Variants in STK31 observed in about 807,000 individuals in gnomAD.
STK31 encodes the protein serine/threonine-protein kinase 31.
STK31 carries 89 observed loss-of-function variants against 129.7 expected under a neutral mutation model. The observed-to-expected ratio is 0.69, with a 90% CI of 0.58 to 0.82. The LOEUF is 0.82. Ranked by LOEUF, STK31 falls within the 40% of genes least tolerant of loss-of-function variation. STK31 has a pLI of 0.00. For missense variants in STK31, 1,187 were observed against 1,176.4 expected, an observed-to-expected ratio of 1.01 and a Z score of -0.13; for synonymous variants, 448 against 395.3, an observed-to-expected ratio of 1.13 and a Z score of -1.58.
intron 10 of STK31, among the ~76,000 whole-genome samples, chr7:23,754,830 C>T (rs1393245708): frequency 6.6e-6 from 1 of 152,174 alleles, no homozygotes; most frequent in Admixed American, 6.5e-5. Context: ...GACATAAACT[C>T]GTTCCTTTTT....
intron 22 of STK31, among the ~76,000 whole-genome samples, chr7:23,805,355 C>T (rs1472900395): frequency 2.0e-5 from 3 of 152,346 alleles, no homozygotes; most frequent in South Asian, 2.1e-4. Flanking sequence ...GGATTACAGG[C>T]GTGAGCCACC....
intron 3 of STK31, 134 bp downstream of exon 3, chr7:23,712,420 C>G: frequency 2.3e-6 from 2 of 867,314 alleles, no homozygotes; most frequent in Non-Finnish European, 1.8e-6. Context: ...TTATTTATCA[C>G]CAGGCATTAT....
intron 9 of STK31, 97 bp from the exon 10 acceptor site, chr7:23,754,218 A>G (rs1788905169): frequency 1.6e-6 from 2 of 1,277,340 alleles, no homozygotes; most frequent in South Asian, 1.6e-5. Context: ...AGTGCTGTAA[A>G]CACTAACTTT....
chr7:23,785,681 A>AG, intron 18 of STK31, 78 bp downstream of exon 18: 2 of 1,510,096 alleles, frequency 1.3e-6, no homozygotes, highest in Non-Finnish European at 1.8e-6. Flanking sequence ...CAAGAAAGAA[A>AG]AAACCTCACT....
chr7:23,743,864 A>G, intron 8 of STK31, among the ~76,000 whole-genome samples: 1 of 149,876 alleles, frequency 6.7e-6, no homozygotes, highest in African/African-American at 2.5e-5. Context: ...GGTTAGTTCA[A>G]AAGTCTTGTC....
In STK31 at chr7:23,712,230, T is replaced by G. The variant is rs1286679965; in HGVS notation, c.98-4T>G. 6.2e-7 allele frequency: 1 copy of G among 1,613,992 alleles called. No homozygotes were observed. Among genetic ancestry groups the G allele is most frequent in the East Asian group, 2.2e-5 (1 of 44,870 alleles). ...ATTTTCCTTGTATTGTGATTTGATT[T>G]TAGTGGAAGATGTGGTTGGAAGTCA... On this transcript the variant is annotated splice_region_variant and splice_polypyrimidine_tract_variant and intron_variant, in intron 2 of 23. Transcript: ENST00000355870.
intron 8 of STK31, among the ~76,000 whole-genome samples, 186 bp downstream of exon 8, chr7:23,737,264 G>A (rs1439412051): frequency 6.6e-6 from 1 of 151,774 alleles, no homozygotes; most frequent in Non-Finnish European, 1.5e-5. Context: ...GGATTTCATT[G>A]GATGTTTGCA....
chr7:23,763,354 T>C (rs956443060), intron 11 of STK31, among the ~76,000 whole-genome samples: 1 of 152,186 alleles, frequency 6.6e-6, no homozygotes, highest in Non-Finnish European at 1.5e-5. Context: ...TAGAGTACTG[T>C]AGTACATATA....
At chr7:23,782,227 C>T (rs1345246439) in intron 16 of STK31, among the ~76,000 whole-genome samples, 4 of 151,946 alleles carry the variant, frequency 2.6e-5, no homozygotes, top group Admixed American at 6.6e-5. Context: ...AGTCCCAGCA[C>T]TTTGGGAGGC....
In STK31 at chr7:23,735,519, A is replaced by G. The variant is rs768623594; in HGVS notation, c.484-19A>G. On this transcript the variant is annotated intron_variant, in intron 6 of 23. Coordinates refer to ENST00000355870, the MANE Select transcript of STK31 (RefSeq NM_031414.5). Reference sequence around the variant, plus strand: ...AGAAACATGTTGGTGTAGCTGGTTTATGTTTTCTTCTTTCTTAGGGCACAA... The same window carrying G: ...AGAAACATGTTGGTGTAGCTGGTTTGTGTTTTCTTCTTTCTTAGGGCACAA... The G allele has an allele frequency of 4.5e-6, 7 of 1,556,688 alleles. No individual in the cohort carries two copies. The African/African-American group carries it at 5.5e-5, about 12-fold the overall frequency.
intron 10 of STK31, among the ~76,000 whole-genome samples, chr7:23,759,640 T>G (rs1359055741): frequency 2.6e-5 from 4 of 152,186 alleles, no homozygotes; most frequent in African/African-American, 9.6e-5. Flanking sequence ...ATCTTTTCCC[T>G]TTTTGCATGA....
At chr7:23,784,183 G>C (rs999288046) in intron 17 of STK31, among the ~76,000 whole-genome samples, 4 of 152,094 alleles carry the variant, frequency 2.6e-5, no homozygotes, top group Admixed American at 1.3e-4. Flanking sequence ...AGTAAACACT[G>C]GTTTACTAAT....
At chr7:23,765,558 C>CTTTTTTTTTT (rs10677070) in intron 11 of STK31, among the ~76,000 whole-genome samples, 2 of 129,604 alleles carry the variant, frequency 1.5e-5, no homozygotes, top group Non-Finnish European at 3.2e-5. Flanking sequence ...ACCTCTTATA[C>CTTTTTTTTTT]TTTTTTTTTT....
chr7:23,788,747 A>G (rs1259118484), intron 21 of STK31, among the ~76,000 whole-genome samples: 4 of 152,152 alleles, frequency 2.6e-5, no homozygotes, highest in African/African-American at 9.7e-5. Context: ...ATACAACATG[A>G]TGTTTTGAAG....
intron 23 of STK31, among the ~76,000 whole-genome samples, chr7:23,824,108 A>C (rs1287839403): frequency 6.6e-6 from 1 of 152,160 alleles, no homozygotes; most frequent in Non-Finnish European, 1.5e-5. Context: ...TATGAACTTT[A>C]AAGTAGTTTT....
chr7:23,817,823 A>G (rs1009029576), intron 23 of STK31, among the ~76,000 whole-genome samples: 14 of 152,014 alleles, frequency 9.2e-5, no homozygotes, highest in African/African-American at 3.1e-4. Context: ...TTATTTCTCT[A>G]AGTTCAGTAG....
At position 23,717,462 on chromosome 7, in the gene STK31, CTA is replaced by C. The variant is rs756037399; in HGVS notation, c.151-15_151-14del. ...AAATAATATTTTACTGTATCTTATA[CTA>C]TATCTAATCTTTCTAGAGTATCAAT... is the stretch of plus-strand genomic sequence containing the variant. On this transcript the variant is annotated splice_polypyrimidine_tract_variant and intron_variant, in intron 3 of 23. Transcript: ENST00000355870. 6.6e-7 allele frequency: 1 copy of C among 1,513,472 alleles called. No individual in the cohort carries two copies. Among genetic ancestry groups the C allele is most frequent in the Non-Finnish European group, 9.1e-7 (1 of 1,094,366 alleles). The allele number at this position is 1,513,472 out of a possible 1,614,324, so 93.8% of individuals were successfully genotyped here.
In STK31 at chr7:23,737,068, AGGAG is replaced by A; in HGVS notation, c.1008_1011del (p.Gln336HisfsTer12). The A allele has an allele frequency of 6.2e-7, 1 of 1,605,636 alleles. No homozygotes were observed. The highest frequency in any genetic ancestry group is 2.2e-5 in the East Asian group (1 of 44,816). On this transcript the variant is annotated frameshift_variant, in exon 8 of 24. Coordinates refer to ENST00000355870, the MANE Select transcript of STK31 (RefSeq NM_031414.5). LOFTEE classifies it high-confidence loss of function. ...GAATTGAAAGTAGAGCAGATTGCCC[AGGAG>A]CTGCAGGTATGTTCAGTGGCTTAAG... is the stretch of plus-strand genomic sequence containing the variant.
At chr7:23,802,901 A>G (rs1327613944) in intron 22 of STK31, among the ~76,000 whole-genome samples, 4 of 152,196 alleles carry the variant, frequency 2.6e-5, no homozygotes, top group African/African-American at 9.7e-5. Context: ...AAATCTGTAG[A>G]TCAATATGGG....
Sources: allele counts gnomAD v4.1 joint callset (sites outside exome capture counted in the v4.1 genomes callset), GRCh38; gene constraint gnomAD v4.1.1; transcripts MANE v1.5; gene names NCBI Gene and HGNC (gene_info 2026-07-23, HGNC 2026-07-21).